The following FUT9 variants were observed in gnomAD, a reference collection of about 807,000 sequenced individuals.
FUT9 encodes the protein 4-galactosyl-N-acetylglucosaminide 3-alpha-L-fucosyltransferase 9.
In FUT9, 15 loss-of-function variants were observed where a neutral mutation model predicts 29.7. The observed-to-expected ratio is 0.51, with a 90% CI of 0.34 to 0.78. The LOEUF is 0.78. FUT9 is among the 30% of genes least tolerant of loss of function. FUT9 has a pLI of 0.01. For missense variants in FUT9, 319 were observed against 425.4 expected (o/e 0.75, Z 2.20); for synonymous variants, 169 against 153.7 (o/e 1.10, Z -0.74).
At chr6:96,079,714 A>C (rs1771203808) in intron 1 of FUT9, among the ~76,000 whole-genome samples, 1 of 152,092 alleles carries the variant, frequency 6.6e-6, no homozygotes, top group Admixed American at 6.5e-5. Context: ...CATCACCTCC[A>C]TCAGAAAAAG....
chr6:96,139,023 A>G (rs1476550044), intron 2 of FUT9, among the ~76,000 whole-genome samples: 1 of 152,234 alleles, frequency 6.6e-6, no homozygotes, highest in Non-Finnish European at 1.5e-5. Context: ...AATGACCAGC[A>G]GATAGAAATT....
intron 2 of FUT9, among the ~76,000 whole-genome samples, chr6:96,150,112 C>G (rs4144269): frequency 0.9 from 137,025 of 152,134 alleles, 63,441 homozygotes; most frequent in Non-Finnish European, 1. Flanking sequence ...TCTCTTAGGA[C>G]GGATAAGTCA....
At chr6:96,036,722 T>G (rs186412957) in intron 1 of FUT9, 2 of 151,998 alleles carry the variant, frequency 1.3e-5, no homozygotes, top group Admixed American at 1.3e-4. Flanking sequence ...ATTGCTGTGG[T>G]TTGTCTGTAT....
chr6:96,084,292 C>T (rs1160196327), intron 1 of FUT9, among the ~76,000 whole-genome samples: 1 of 152,004 alleles, frequency 6.6e-6, no homozygotes, highest in Admixed American at 6.6e-5. Flanking sequence ...TCTTAAATTT[C>T]CTGGAAAGAC....
intron 2 of FUT9, among the ~76,000 whole-genome samples, chr6:96,156,994 A>G (rs992938893): frequency 6.6e-6 from 1 of 152,160 alleles, no homozygotes; most frequent in African/African-American, 2.4e-5. Context: ...CTCCATTCCT[A>G]TTAAATTTGT....
chr6:96,092,326 G>A (rs1330769599), intron 1 of FUT9, among the ~76,000 whole-genome samples: 1 of 152,044 alleles, frequency 6.6e-6, no homozygotes, highest in Non-Finnish European at 1.5e-5. Context: ...TGATACACTT[G>A]TGTGAAATTC....
At chr6:96,153,877 C>G (rs1772727917) in intron 2 of FUT9, among the ~76,000 whole-genome samples, 1 of 152,118 alleles carries the variant, frequency 6.6e-6, no homozygotes, top group South Asian at 2.1e-4. Context: ...ATTTCTTTTG[C>G]TAAGTAATGG....
intron 2 of FUT9, among the ~76,000 whole-genome samples, chr6:96,140,181 C>G (rs1052956719): frequency 6.6e-6 from 1 of 152,164 alleles, no homozygotes; most frequent in South Asian, 2.1e-4. Flanking sequence ...CAAGAATGAC[C>G]TTTACTCCAG....
intron 1 of FUT9, among the ~76,000 whole-genome samples, chr6:96,038,027 G>A (rs1770393414): frequency 6.6e-6 from 1 of 152,144 alleles, no homozygotes; most frequent in Non-Finnish European, 1.5e-5. Context: ...CACTGCAGGT[G>A]TGTGGTGCCT....
At position 96,208,719 on chromosome 6, in the gene FUT9, AT is replaced by A; in HGVS notation, c.*4486del. ...TAGAAAGGATTTGGATCACGTTAAC[AT>A]TCTATGCAAATATTAGTAACATATC... On this transcript the variant is annotated 3_prime_UTR_variant, in exon 3 of 3. Coordinates refer to ENST00000302103, the MANE Select transcript of FUT9 (RefSeq NM_006581.4). The A allele has an allele frequency of 6.0e-6, 1 of 166,848 alleles. No homozygotes were observed. Among genetic ancestry groups the A allele is most frequent in the Non-Finnish European group, 1.5e-5 (1 of 68,008 alleles). The allele number at this position is 166,848 out of a possible 1,614,324, so 10.3% of individuals were successfully genotyped here.
intron 2 of FUT9, among the ~76,000 whole-genome samples, chr6:96,168,513 A>C (rs531141184): frequency 6.6e-6 from 1 of 152,334 alleles, no homozygotes; most frequent in South Asian, 2.1e-4. Context: ...ATCACATCAA[A>C]CACCATTCGT....
chr6:96,104,806 A>T lies in FUT9; in HGVS notation c.-97-9233A>T, dbSNP rs1157367498. On this transcript the variant is annotated intron_variant, in intron 1 of 2. Transcript: ENST00000302103. ...CAGCCTCCCAAAGTGCTGGGATTAC[A>T]GGCATGAGCCACCGCGCCTGGCCAC... is the stretch of plus-strand genomic sequence containing the variant. Among the ~76,000 whole-genome samples, 3 of 152,186 alleles carry T rather than the reference A, an allele frequency of 2.0e-5. No individual in the cohort carries two copies. In the East Asian group the frequency reaches 5.8e-4, roughly 29 times the overall value.
intron 1 of FUT9, among the ~76,000 whole-genome samples, chr6:96,024,270 T>C (rs1770124492): frequency 6.6e-6 from 1 of 151,840 alleles, no homozygotes; most frequent in Non-Finnish European, 1.5e-5. Flanking sequence ...CATATGTCAT[T>C]TGATACCCAT....
intron 1 of FUT9, among the ~76,000 whole-genome samples, chr6:96,112,429 T>G (rs1321651352): frequency 6.6e-6 from 1 of 152,242 alleles, no homozygotes; most frequent in East Asian, 1.9e-4. Context: ...CATTTCTTCA[T>G]ACTTGTATTA....
At position 96,206,286 on chromosome 6, in the gene FUT9, A is replaced by G. The variant is rs140612562; in HGVS notation, c.*2051A>G. 7.3e-4 allele frequency: 122 copies of G among 167,226 alleles called. 1 individual carries two copies. Among genetic ancestry groups the G allele is most frequent in the East Asian group, 4.2e-3 (22 of 5,196 alleles). 10.4% of individuals were successfully genotyped at this position (167,226 alleles called of 1,614,324 possible). A position where few individuals can be genotyped will look rare whatever the true frequency, so the allele number is the denominator to read the frequency against. On this transcript the variant is annotated 3_prime_UTR_variant, in exon 3 of 3. Transcript: ENST00000302103. Reference sequence around the variant, plus strand: ...TCTAACCACAATGCATTAAGAAATAATATTTTTATGTGGATGTCCTCCTCA... The same window carrying G: ...TCTAACCACAATGCATTAAGAAATAGTATTTTTATGTGGATGTCCTCCTCA...
Position 96,209,446 on chromosome 6 carries a change from C to T in FUT9, c.*5211C>T, listed in dbSNP as rs1385224048. 1.2e-5 allele frequency: 2 copies of T among 166,860 alleles called. No individual in the cohort carries two copies. Among genetic ancestry groups the T allele is most frequent in the African/African-American group, 4.8e-5 (2 of 41,426 alleles). The allele number at this position is 166,860 out of a possible 1,614,324, so 10.3% of individuals were successfully genotyped here. A position where few individuals can be genotyped will look rare whatever the true frequency, so the allele number is the denominator to read the frequency against. ...CTATGACTTTTGAACTCACTGCTCACTGACATCTTAATTGCCTGCAGAAAA... is the reference window on the plus strand; with the variant it reads ...CTATGACTTTTGAACTCACTGCTCATTGACATCTTAATTGCCTGCAGAAAA... On this transcript the variant is annotated 3_prime_UTR_variant, in exon 3 of 3. Transcript: ENST00000302103.
intron 1 of FUT9, among the ~76,000 whole-genome samples, chr6:96,018,347 A>G (rs1391530726): frequency 1.3e-5 from 2 of 152,178 alleles, no homozygotes; most frequent in Non-Finnish European, 1.5e-5. Flanking sequence ...GTATTCTAAT[A>G]TAATTCCAAT....
chr6:96,182,046 A>T lies in FUT9; in HGVS notation c.-8-21102A>T, dbSNP rs577786337. On this transcript the variant is annotated intron_variant, in intron 2 of 2. Coordinates refer to ENST00000302103, the MANE Select transcript of FUT9 (RefSeq NM_006581.4). The stretch of plus-strand genomic sequence containing the variant: ...TGTACTAGTTTACATTCCCACCAGC[A>T]CTGTAGAAGTGTTTCCTGTTCACCA... Among the ~76,000 whole-genome samples the T allele has an allele frequency of 7.7e-4, 117 of 152,204 alleles. 1 individual carries two copies. Among genetic ancestry groups the T allele is most frequent in the African/African-American group, 2.7e-3 (112 of 41,550 alleles).
chr6:96,208,066 A>T lies in FUT9; in HGVS notation c.*3831A>T, dbSNP rs1231588339. ...CCTGATAATCTTAGATTGTGCAGAAATGTTTCTTATTTTGAGGGGCTTAGA... is the reference window on the plus strand; with the variant it reads ...CCTGATAATCTTAGATTGTGCAGAATTGTTTCTTATTTTGAGGGGCTTAGA... On this transcript the variant is annotated 3_prime_UTR_variant, in exon 3 of 3. Transcript: ENST00000302103. The T allele has an allele frequency of 6.0e-6, 1 of 166,930 alleles. No homozygotes were observed. The highest frequency in any genetic ancestry group is 1.9e-4 in the East Asian group (1 of 5,198). The allele number at this position is 166,930 out of a possible 1,614,324, so 10.3% of individuals were successfully genotyped here.
Sources: allele counts gnomAD v4.1 joint callset (sites outside exome capture counted in the v4.1 genomes callset), GRCh38; gene constraint gnomAD v4.1.1; transcripts MANE v1.5; gene names NCBI Gene and HGNC (gene_info 2026-07-23, HGNC 2026-07-21).